The following NDUFAF7 variants were observed in gnomAD, a reference collection of about 807,000 sequenced individuals.
The protein encoded by NDUFAF7 is NADH:ubiquinone oxidoreductase complex assembly factor 7, also known as protein arginine methyltransferase NDUFAF7, mitochondrial.
Under a neutral mutation model 47.2 loss-of-function variants are expected in NDUFAF7, and 48 were observed. That is an observed-to-expected ratio of 1.02 (90% CI 0.81 to 1.29). The LOEUF (loss-of-function observed/expected upper bound fraction) is 1.29. Ranked by LOEUF, NDUFAF7 falls within the 50% of genes most tolerant of loss-of-function variation. The pLI, the probability that NDUFAF7 is intolerant of heterozygous loss-of-function variation, is 0.00. For missense variants in NDUFAF7, 635 were observed against 537.6 expected, an observed-to-expected ratio of 1.18 and a Z score of -1.79; for synonymous variants, 217 against 190.0, an observed-to-expected ratio of 1.14 and a Z score of -1.17.
At chr2:37,243,295 A>G (rs1466422281) in intron 6 of NDUFAF7, among the ~76,000 whole-genome samples, 1 of 152,170 alleles carries the variant, frequency 6.6e-6, no homozygotes, top group Non-Finnish European at 1.5e-5. Context: ...TACTAAAAAT[A>G]GAAAAATTAT....
At chr2:37,259,962 C>T in the NDUFAF7 span, among the ~76,000 whole-genome samples, 9 of 152,140 alleles carry the variant, frequency 5.9e-5, no homozygotes, top group East Asian at 7.7e-4. Context: ...GCAAGGAGTT[C>T]GAGACCAGCC....
intron 4 of NDUFAF7, among the ~76,000 whole-genome samples, chr2:37,238,938 TAGTC>T (rs1666077869): frequency 1.4e-5 from 2 of 146,592 alleles, no homozygotes; most frequent in Admixed American, 1.4e-4. Context: ...GTCACATTGG[TAGTC>T]AGGAAGATGA....
intron 4 of NDUFAF7, 38 bp downstream of exon 4, chr2:37,237,905 T>A: frequency 7.2e-7 from 1 of 1,397,146 alleles, no homozygotes; most frequent in Non-Finnish European, 1.0e-6. Context: ...CTCATATAAG[T>A]GAATTTTAGT....
Position 37,235,639 on chromosome 2 carries a change from C to CTTATTTATTTATTTATTTATTTAT in NDUFAF7, c.217-450_217-427dup, listed in dbSNP as rs57466107. Among the ~76,000 whole-genome samples, 8 of 149,878 alleles carry CTTATTTATTTATTTATTTATTTAT rather than the reference C, an allele frequency of 5.3e-5. No individual in the cohort carries two copies. In the East Asian group the frequency reaches 7.9e-4, roughly 15 times the overall value. On this transcript the variant is annotated intron_variant, in intron 2 of 9. Coordinates refer to ENST00000002125, the MANE Select transcript of NDUFAF7 (RefSeq NM_144736.5). Reference sequence around the variant, plus strand: ...GGGTAAAGACACCATATTTCCCTTGCTTATTTATTTATTTATTTATTTATT... The same window carrying CTTATTTATTTATTTATTTATTTAT: ...GGGTAAAGACACCATATTTCCCTTGCTTATTTATTTATTTATTTATTTATTTATTTATTTATTTATTTATTTATT...
the NDUFAF7 span, among the ~76,000 whole-genome samples, chr2:37,262,698 TA>T: frequency 6.6e-6 from 1 of 152,158 alleles, no homozygotes; most frequent in African/African-American, 2.4e-5. Flanking sequence ...TGCCCTCCTT[TA>T]AAAACACGTG....
the NDUFAF7 span, chr2:37,260,231 C>T: frequency 1.2e-6 from 2 of 1,608,216 alleles, no homozygotes; most frequent in Non-Finnish European, 1.7e-6. Flanking sequence ...ACCTGTGTGA[C>T]CATGAATTTA....
At chr2:37,253,136 C>A (rs944383146), downstream of NDUFAF7, 5 of 1,531,842 alleles carry the variant, frequency 3.3e-6, no homozygotes, top group South Asian at 4.8e-5. Context: ...AAATATCAGT[C>A]CATAAAATGA....
chr2:37,253,280 C>T, downstream of NDUFAF7: 2 of 1,613,158 alleles, frequency 1.2e-6, no homozygotes, highest in Non-Finnish European at 1.7e-6. Flanking sequence ...AGCATCATCA[C>T]TTTCATGTGT....
At chr2:37,269,319 A>C in the NDUFAF7 span, 1 of 357,516 alleles carries the variant, frequency 2.8e-6, no homozygotes, top group Non-Finnish European at 5.3e-6. Flanking sequence ...AGCCCAACAT[A>C]AACTTCAAAC....
intron 4 of NDUFAF7, among the ~76,000 whole-genome samples, chr2:37,239,862 T>A (rs1183458708): frequency 6.6e-6 from 1 of 152,230 alleles, no homozygotes; most frequent in African/African-American, 2.4e-5. Flanking sequence ...CAGGGTGTTA[T>A]TAACTCAAGA....
At chr2:37,247,420 ATAAAAG>A (rs1558506143) in intron 8 of NDUFAF7, 30 bp from the exon 9 acceptor site, 2 of 1,612,884 alleles carry the variant, frequency 1.2e-6, no homozygotes, top group Admixed American at 3.3e-5. Flanking sequence ...CTTAATAACC[ATAAAAG>A]GGCAAAAATC....
the NDUFAF7 span, chr2:37,260,215 TA>T: frequency 1.3e-6 from 2 of 1,584,620 alleles, no homozygotes; most frequent in Non-Finnish European, 1.7e-6. Flanking sequence ...AAAAAGGAGT[TA>T]AAATACCTGT....
In NDUFAF7 at chr2:37,236,157, T is replaced by C; in HGVS notation, c.278T>C (p.Ile93Thr). ...EKGDFITSPE[I>T]SQIFGELLGI... The stretch of plus-strand genomic sequence containing the variant: ...GGAGATTTCATTACTTCACCTGAAA[T>C]AAGTCAAATCTTTGGGGAGGTAATA... Residue 93 changes from isoleucine (I) to threonine (T), a missense_variant, in exon 3 of 10, where the codon ATA becomes ACA. Transcript: ENST00000002125. The C allele has an allele frequency of 6.2e-7, 1 of 1,611,742 alleles. No homozygotes were observed. Among genetic ancestry groups the C allele is most frequent in the Non-Finnish European group, 8.5e-7 (1 of 1,177,914 alleles).
rs1360800709 is a variant in NDUFAF7, at chr2:37,241,896, G to C, written c.622+105G>C. 5.0e-6 allele frequency: 5 copies of C among 998,076 alleles called. No individual in the cohort carries two copies. The African/African-American group carries it at 8.0e-5, about 16-fold the overall frequency. The allele number at this position is 998,076 out of a possible 1,614,324, so 61.8% of individuals were successfully genotyped here. ...CAATATAATAGATTGAGTTACTGCT[G>C]CCAAGTCCCTTATCCATAGAGAGTA... On this transcript the variant is annotated intron_variant, in intron 5 of 9. Transcript: ENST00000002125.
At chr2:37,249,576 C>G (rs866700845), downstream of NDUFAF7, among the ~76,000 whole-genome samples, 1,287 of 140,498 alleles carry the variant, frequency 9.2e-3, 29 homozygotes, top group African/African-American at 0.03. Flanking sequence ...CACACACACA[C>G]ACACACACAC....
chr2:37,241,087 A>G (rs1161239646), intron 4 of NDUFAF7, among the ~76,000 whole-genome samples: 2 of 152,182 alleles, frequency 1.3e-5, no homozygotes, highest in Non-Finnish European at 2.9e-5. Flanking sequence ...TGTTTACAAC[A>G]GTGAAAAAAT....
At chr2:37,237,970 A>G (rs2148404324) in intron 4 of NDUFAF7, 103 bp downstream of exon 4, 1 of 808,148 alleles carries the variant, frequency 1.2e-6, no homozygotes, top group Non-Finnish European at 2.1e-6. Context: ...CCTTAATTTC[A>G]TATTTCTCAG....
rs113198427 is a variant in NDUFAF7 at position 37,241,881 on chromosome 2, G to T, written c.622+90G>T. 18 of 1,160,274 alleles carry T rather than the reference G, an allele frequency of 1.6e-5. No individual in the cohort carries two copies. In the African/African-American group the frequency reaches 2.3e-4, roughly 15 times the overall value. The allele number at this position is 1,160,274 out of a possible 1,614,324, so 71.9% of individuals were successfully genotyped here. Reference sequence around the variant, plus strand: ...TGTAACTTTTTACAGCAATATAATAGATTGAGTTACTGCTGCCAAGTCCCT... The same window carrying T: ...TGTAACTTTTTACAGCAATATAATATATTGAGTTACTGCTGCCAAGTCCCT... On this transcript the variant is annotated intron_variant, in intron 5 of 9. Transcript: ENST00000002125.
chr2:37,270,497 T>C, the NDUFAF7 span, among the ~76,000 whole-genome samples: 3 of 152,088 alleles, frequency 2.0e-5, no homozygotes, highest in Non-Finnish European at 2.9e-5. Context: ...CCCTTCCCTT[T>C]TTTTTTCTTC....
Sources: gnomAD v4.1 joint callset for allele counts (sites outside exome capture counted in the v4.1 genomes callset) on GRCh38, gnomAD v4.1.1 for gene constraint, MANE v1.5 for transcripts, NCBI Gene and HGNC (gene_info 2026-07-23, HGNC 2026-07-21) for gene names.